The following AKR1E2 variants were observed in gnomAD, a reference collection of about 807,000 sequenced individuals.
The protein encoded by AKR1E2 is aldo-keto reductase family 1 member E2, also known as 1,5-anhydro-D-fructose reductase.
AKR1E2 carries 43 observed loss-of-function variants against 41.9 expected under a neutral mutation model. That is an observed-to-expected ratio of 1.03 (90% CI 0.80 to 1.32). AKR1E2 has a LOEUF of 1.32. Among genes scored for constraint, AKR1E2 ranks in the 40% most tolerant of loss-of-function variants. The pLI is 0.00. For synonymous variants in AKR1E2, 121 were observed against 138.9 expected (o/e 0.87, Z 0.91); for missense variants, 423 against 396.5 (o/e 1.07, Z -0.57).
chr10:4,866,096 G>A, the AKR1E2 span, among the ~76,000 whole-genome samples: 3,597 of 152,188 alleles, frequency 0.024, 62 homozygotes, highest in East Asian at 0.072. Flanking sequence ...ATGTATATTG[G>A]GCCATTGTTT....
At chr10:4,850,018 C>T (rs996593872), downstream of AKR1E2, among the ~76,000 whole-genome samples, 19 of 152,330 alleles carry the variant, frequency 1.2e-4, no homozygotes, top group Middle Eastern at 3.4e-3. Context: ...ACAGAAGTTA[C>T]GCAGCCTCGT....
the AKR1E2 span, among the ~76,000 whole-genome samples, chr10:4,870,883 C>A: frequency 1.3e-5 from 2 of 152,012 alleles, no homozygotes. Context: ...TTTTCCAGCC[C>A]ACCCTTTGCT....
chr10:4,870,733 A>T, the AKR1E2 span, among the ~76,000 whole-genome samples: 1 of 151,388 alleles, frequency 6.6e-6, no homozygotes, highest in South Asian at 2.1e-4. Flanking sequence ...TCATGCATTT[A>T]ATTATGATGT....
At chr10:4,847,021 C>G in intron 8 of AKR1E2, 127 bp from the exon 9 acceptor site, 1 of 999,554 alleles carries the variant, frequency 1.0e-6, no homozygotes, top group East Asian at 2.6e-5. Context: ...TTCCAAGTGT[C>G]TGATGAAGTG....
At chr10:4,851,903 A>G (rs1436121576), downstream of AKR1E2, among the ~76,000 whole-genome samples, 2 of 151,866 alleles carry the variant, frequency 1.3e-5, no homozygotes, top group Admixed American at 6.6e-5. Context: ...AGAGGGTGAG[A>G]CTTTTGGTGT....
Position 4,826,216 on chromosome 10 carries a change from C to T in AKR1E2, c.-109C>T. 1 of 841,652 alleles carries T rather than the reference C, an allele frequency of 1.2e-6. No homozygotes were observed. The highest frequency in any genetic ancestry group is 3.4e-5 in the East Asian group (1 of 29,848). 52.1% of individuals were successfully genotyped at this position (841,652 alleles called of 1,614,324 possible). Reference sequence around the variant, plus strand: ...TGTCGGAGTGTCAGCCGTCACAAGGCACTTCCAGCCAGTCGCAACGGCGGG... The same window carrying T: ...TGTCGGAGTGTCAGCCGTCACAAGGTACTTCCAGCCAGTCGCAACGGCGGG... On this transcript the variant is annotated 5_prime_UTR_variant, in exon 1 of 10. Coordinates refer to ENST00000298375, the MANE Select transcript of AKR1E2 (RefSeq NM_001040177.3).
At chr10:4,849,638 A>C (rs2131581962), downstream of AKR1E2, among the ~76,000 whole-genome samples, 1 of 152,286 alleles carries the variant, frequency 6.6e-6, no homozygotes, top group Middle Eastern at 3.4e-3. Context: ...TGATGAGGAG[A>C]GGTTGGTCAG....
At chr10:4,848,100 CAG>C (rs1355924297), downstream of AKR1E2, 1 of 104,578 alleles carries the variant, frequency 9.6e-6, no homozygotes. Flanking sequence ...TTTTTTGAGA[CAG>C]AGTCTCACTA....
At chr10:4,851,382 C>T (rs998628293), downstream of AKR1E2, among the ~76,000 whole-genome samples, 8 of 152,314 alleles carry the variant, frequency 5.3e-5, no homozygotes, top group East Asian at 9.6e-4. Flanking sequence ...GGCTAATGGG[C>T]GTGACTCTAG....
upstream of AKR1E2, among the ~76,000 whole-genome samples, chr10:4,825,706 C>G (rs1832424584): frequency 6.6e-6 from 1 of 152,188 alleles, no homozygotes; most frequent in Admixed American, 6.5e-5. Flanking sequence ...GAATGGCCAT[C>G]CTTGGTACAA....
chr10:4,829,051 AGTT>A (rs1197502955), intron 1 of AKR1E2, among the ~76,000 whole-genome samples: 7 of 152,186 alleles, frequency 4.6e-5, no homozygotes, highest in South Asian at 4.1e-4. Flanking sequence ...GCTTCTTCTT[AGTT>A]GTTCAGGTGC....
In AKR1E2 at chr10:4,839,682, T is replaced by G. The variant is rs756664915; in HGVS notation, c.583-47T>G. On this transcript the variant is annotated intron_variant, in intron 5 of 9. Transcript: ENST00000298375. ...AGGTCTTCTCTTGTAGAGCTTTTCT[T>G]GAACACTAGTGGTCTGAATTTTATG... The G allele has an allele frequency of 3.2e-6, 5 of 1,559,950 alleles. No individual in the cohort carries two copies. In the Admixed American group the frequency reaches 6.7e-5, roughly 21 times the overall value.
At chr10:4,869,240 T>C in the AKR1E2 span, among the ~76,000 whole-genome samples, 1 of 152,244 alleles carries the variant, frequency 6.6e-6, no homozygotes, top group East Asian at 1.9e-4. Flanking sequence ...CTATTTTATG[T>C]TGGGTGAGTT....
chr10:4,869,753 G>T, the AKR1E2 span, among the ~76,000 whole-genome samples: 1 of 151,800 alleles, frequency 6.6e-6, no homozygotes, highest in South Asian at 2.1e-4. Flanking sequence ...AAGACTTCCT[G>T]TTTTACCTGT....
intron 8 of AKR1E2, among the ~76,000 whole-genome samples, chr10:4,846,374 A>C (rs1834335866): frequency 6.6e-6 from 1 of 152,106 alleles, no homozygotes; most frequent in Non-Finnish European, 1.5e-5. Context: ...TGAGAAGAAT[A>C]CTATTTTCAA....
chr10:4,852,203 A>C (rs989370031), downstream of AKR1E2, among the ~76,000 whole-genome samples: 3 of 152,198 alleles, frequency 2.0e-5, no homozygotes, highest in African/African-American at 7.2e-5. Flanking sequence ...TTATATGCTT[A>C]ATTTACTTCC....
chr10:4,862,504 C>T, the AKR1E2 span, among the ~76,000 whole-genome samples: 3 of 152,170 alleles, frequency 2.0e-5, no homozygotes, highest in Non-Finnish European at 4.4e-5. Flanking sequence ...GACATTGAAT[C>T]TATAAATTAC....
chr10:4,851,521 C>T (rs556794123), downstream of AKR1E2, among the ~76,000 whole-genome samples: 1 of 152,336 alleles, frequency 6.6e-6, no homozygotes, highest in African/African-American at 2.4e-5. Context: ...TTAATGTGCA[C>T]TTCTGTCACG....
At chr10:4,863,893 C>G in the AKR1E2 span, among the ~76,000 whole-genome samples, 9 of 152,212 alleles carry the variant, frequency 5.9e-5, no homozygotes, top group Admixed American at 2.0e-4. Context: ...CACATAAACC[C>G]TCCCAAGACT....
Sources: gnomAD v4.1 joint callset for allele counts (sites outside exome capture counted in the v4.1 genomes callset) on GRCh38, gnomAD v4.1.1 for gene constraint, MANE v1.5 for transcripts, NCBI Gene and HGNC (gene_info 2026-07-23, HGNC 2026-07-21) for gene names.